The following PRKG1 variants were observed in gnomAD, a reference collection of about 807,000 sequenced individuals.
The protein encoded by PRKG1 is protein kinase cGMP-dependent 1.
PRKG1 carries 35 observed loss-of-function variants against 88.1 expected under a neutral mutation model. The observed-to-expected ratio is 0.40, with a 90% confidence interval of 0.30 to 0.53. The LOEUF (loss-of-function observed/expected upper bound fraction) is 0.53, where lower values mean the gene tolerates loss of function less well. Among genes scored for constraint, PRKG1 ranks in the 20% least tolerant of loss-of-function variants. The pLI is 0.59. For missense variants in PRKG1, 540 were observed against 839.8 expected (o/e 0.64, Z 4.41); for synonymous variants, 303 against 292.5 (o/e 1.04, Z -0.37).
intron 3 of PRKG1, among the ~76,000 whole-genome samples, chr10:51,679,960 AC>A (rs1377556420): frequency 6.9e-6 from 1 of 144,592 alleles, no homozygotes; most frequent in African/African-American, 2.6e-5. Flanking sequence ...AAAATGAAAA[AC>A]CCCACCTCCC....
chr10:51,601,617 G>A (rs1454255661), intron 3 of PRKG1, among the ~76,000 whole-genome samples: 1 of 151,186 alleles, frequency 6.6e-6, no homozygotes, highest in East Asian at 2.0e-4. Flanking sequence ...ATCAAAGTGA[G>A]CATGTGACCC....
chr10:51,671,564 G>A (rs1014933699), intron 3 of PRKG1, among the ~76,000 whole-genome samples: 5 of 150,798 alleles, frequency 3.3e-5, no homozygotes, highest in African/African-American at 1.2e-4. Flanking sequence ...CTGTCTCAGT[G>A]CCTCTTCTTC....
chr10:52,018,413 A>G (rs1207877798), intron 5 of PRKG1, among the ~76,000 whole-genome samples: 1 of 152,190 alleles, frequency 6.6e-6, no homozygotes, highest in Non-Finnish European at 1.5e-5. Context: ...TTATACACCA[A>G]GATACAAATT....
At chr10:51,269,161 C>T (rs2132173183) in intron 2 of PRKG1, among the ~76,000 whole-genome samples, 1 of 152,058 alleles carries the variant, frequency 6.6e-6, no homozygotes, top group South Asian at 2.1e-4. Context: ...AAATTAAAAC[C>T]ACAATGAGAT....
chr10:51,411,635 T>C (rs1204868092), intron 2 of PRKG1, among the ~76,000 whole-genome samples: 1 of 152,212 alleles, frequency 6.6e-6, no homozygotes, highest in Non-Finnish European at 1.5e-5. Context: ...AGGTAAAGCT[T>C]AGCAGTTTCT....
chr10:51,950,913 T>C (rs1843167310), intron 5 of PRKG1, among the ~76,000 whole-genome samples: 1 of 152,232 alleles, frequency 6.6e-6, no homozygotes, highest in African/African-American at 2.4e-5. Context: ...AATAACTTTC[T>C]GCAGAGAGCG....
At chr10:52,196,844 G>T (rs903221148) in intron 9 of PRKG1, among the ~76,000 whole-genome samples, 1 of 152,118 alleles carries the variant, frequency 6.6e-6, no homozygotes, top group African/African-American at 2.4e-5. Flanking sequence ...AAGTTATTAT[G>T]ATAGTGTCAT....
At chr10:51,124,397 G>A (rs1361192212) in intron 1 of PRKG1, among the ~76,000 whole-genome samples, 1 of 152,044 alleles carries the variant, frequency 6.6e-6, no homozygotes, top group Non-Finnish European at 1.5e-5. Flanking sequence ...AGGATGGAGA[G>A]GGTCTTTTTC....
At chr10:51,417,792 GA>G (rs1242422130) in intron 2 of PRKG1, among the ~76,000 whole-genome samples, 1 of 152,126 alleles carries the variant, frequency 6.6e-6, no homozygotes, top group African/African-American at 2.4e-5. Flanking sequence ...TCGTGATCAT[GA>G]AAAAATAGAG....
At chr10:51,033,261 C>T (rs1033869173) in intron 1 of PRKG1, among the ~76,000 whole-genome samples, 1 of 152,106 alleles carries the variant, frequency 6.6e-6, no homozygotes, top group Non-Finnish European at 1.5e-5. Flanking sequence ...CAACAGGGCA[C>T]CTTATTTCCA....
chr10:51,989,437 G>A (rs544815317), intron 5 of PRKG1, among the ~76,000 whole-genome samples: 75 of 152,106 alleles, frequency 4.9e-4, no homozygotes, highest in Middle Eastern at 3.4e-3. Flanking sequence ...TTGAAATCAT[G>A]TAATAATTCA....
chr10:52,055,220 T>G (rs745341981), intron 6 of PRKG1, among the ~76,000 whole-genome samples: 7 of 152,224 alleles, frequency 4.6e-5, no homozygotes, highest in African/African-American at 1.2e-4. Flanking sequence ...ATGAAACATC[T>G]GGGCTTTGAA....
At chr10:52,288,348 T>A (rs1842167445) in intron 14 of PRKG1, among the ~76,000 whole-genome samples, 1 of 152,068 alleles carries the variant, frequency 6.6e-6, no homozygotes, top group Non-Finnish European at 1.5e-5. Context: ...TGGGGTAGTA[T>A]CGTTGGTGTT....
chr10:51,897,197 G>T (rs903149770), intron 4 of PRKG1, among the ~76,000 whole-genome samples: 1 of 152,194 alleles, frequency 6.6e-6, no homozygotes, highest in African/African-American at 2.4e-5. Context: ...TAGCTATAAG[G>T]TTGAGGACCT....
chr10:51,778,048 T>G (rs1838486551), intron 3 of PRKG1, among the ~76,000 whole-genome samples: 1 of 152,162 alleles, frequency 6.6e-6, no homozygotes, highest in South Asian at 2.1e-4. Flanking sequence ...GACTGTTCTA[T>G]CTTAATTCTG....
At chr10:51,991,005 C>T (rs191931416) in intron 5 of PRKG1, among the ~76,000 whole-genome samples, 20 of 152,120 alleles carry the variant, frequency 1.3e-4, no homozygotes, top group Middle Eastern at 3.4e-3. Context: ...TGCTACTTTT[C>T]GATTTCTTTC....
intron 2 of PRKG1, among the ~76,000 whole-genome samples, chr10:51,391,849 A>G (rs1001300296): frequency 3.3e-5 from 5 of 152,230 alleles, no homozygotes; most frequent in African/African-American, 1.2e-4. Flanking sequence ...AACAACCACT[A>G]TAGAATGTTC....
At chr10:51,224,141 C>T (rs1589258094) in intron 2 of PRKG1, among the ~76,000 whole-genome samples, 2 of 152,278 alleles carry the variant, frequency 1.3e-5, no homozygotes, top group Middle Eastern at 6.8e-3. Flanking sequence ...TTGTGTAAGC[C>T]TGCCATTGCC....
intron 4 of PRKG1, among the ~76,000 whole-genome samples, chr10:51,864,149 T>C (rs1022450902): frequency 3.9e-5 from 6 of 152,136 alleles, no homozygotes; most frequent in African/African-American, 1.4e-4. Flanking sequence ...AAGGATAAGA[T>C]GGTCACTCTA....
Sources: allele counts gnomAD v4.1 joint callset (sites outside exome capture counted in the v4.1 genomes callset), GRCh38; gene constraint gnomAD v4.1.1; transcripts MANE v1.5; gene names NCBI Gene and HGNC (gene_info 2026-07-23, HGNC 2026-07-21).